The following ZNF862 variants were observed in gnomAD, a reference collection of about 807,000 sequenced individuals.
ZNF862 encodes the protein zinc finger protein 862.
ZNF862 carries 64 observed loss-of-function variants against 91.1 expected under a neutral mutation model. The ratio of observed to expected loss-of-function variants is 0.70; its 90% CI spans 0.57 to 0.87. ZNF862 has a LOEUF of 0.87. ZNF862 is among the 40% of genes least tolerant of loss of function. The probability of loss-of-function intolerance (pLI) is 0.00; values close to 1 mark genes in which losing one functional copy is unlikely to be tolerated. For synonymous variants in ZNF862, 631 were observed against 618.1 expected (o/e 1.02, Z -0.31); for missense variants, 1,459 against 1,528.0 (o/e 0.95, Z 0.75).
chr7:149,854,796 G>C (rs896994314), intron 5 of ZNF862, among the ~76,000 whole-genome samples: 1 of 152,212 alleles, frequency 6.6e-6, no homozygotes, highest in South Asian at 2.1e-4. Flanking sequence ...TGCTCAGGCC[G>C]GCAGCAGTGT....
rs189442625 is a variant in ZNF862, at chr7:149,848,601, C to T, written c.939+169C>T. Among the ~76,000 whole-genome samples, 342 of 152,272 alleles carry T rather than the reference C, an allele frequency of 2.2e-3. 6 individuals are homozygous for T. In the South Asian group the frequency reaches 0.03, roughly 14 times the overall value. On this transcript the variant is annotated intron_variant, in intron 4 of 7. Coordinates refer to ENST00000223210, the MANE Select transcript of ZNF862 (RefSeq NM_001099220.3). ...ATCATGGACTAGGCATTGTTTTAGA[C>T]GCGTTCCATGTATTATCTCATTTAA... is the stretch of plus-strand genomic sequence containing the variant.
chr7:149,860,020 T>G (rs1229888646), intron 6 of ZNF862: 1 of 309,232 alleles, frequency 3.2e-6, no homozygotes, highest in African/African-American at 2.2e-5. Flanking sequence ...TATTCTATTG[T>G]GGAGCCTCAC....
In ZNF862 at chr7:149,841,771, G is replaced by C. The variant is rs1801714464; in HGVS notation, c.25-2854G>C. On this transcript the variant is annotated intron_variant, in intron 1 of 7. Transcript: ENST00000223210. Reference sequence around the variant, plus strand: ...GGCCCTCTCTATCTTTCCTGTACAAGTGACTGATACTCCTTTCTCATTTTT... The same window carrying C: ...GGCCCTCTCTATCTTTCCTGTACAACTGACTGATACTCCTTTCTCATTTTT... 7 of 984,556 alleles carry C rather than the reference G, an allele frequency of 7.1e-6. No homozygotes were observed. The South Asian group carries it at 3.3e-4, about 46-fold the overall frequency. 61.0% of individuals were successfully genotyped at this position (984,556 alleles called of 1,614,324 possible). A position where few individuals can be genotyped will look rare whatever the true frequency, so the allele number is the denominator to read the frequency against.
In ZNF862 at chr7:149,850,478, CA is replaced by C. The variant is rs1563119951; in HGVS notation, c.1117+141del. On this transcript the variant is annotated intron_variant, in intron 5 of 7. Coordinates refer to ENST00000223210, the MANE Select transcript of ZNF862 (RefSeq NM_001099220.3). The surrounding 1 kb of genome is among the most constrained non-coding windows in gnomAD (Gnocchi z 4.2). Reference sequence around the variant, plus strand: ...GAGACCGATCCTGTCTTTTGCACCTCATAACTCCCCTGCTTGGGGTAACTGT... The same window carrying C: ...GAGACCGATCCTGTCTTTTGCACCTCTAACTCCCCTGCTTGGGGTAACTGT... The C allele has an allele frequency of 1.2e-6, 1 of 814,894 alleles. No individual in the cohort carries two copies. Among genetic ancestry groups the C allele is most frequent in the Non-Finnish European group, 1.9e-6 (1 of 532,970 alleles). 50.5% of individuals were successfully genotyped at this position (814,894 alleles called of 1,614,324 possible). A position where few individuals can be genotyped will look rare whatever the true frequency, so the allele number is the denominator to read the frequency against.
Position 149,862,112 on chromosome 7 carries a change from C to T in ZNF862, c.2952C>T (p.Tyr984=). The T allele has an allele frequency of 6.2e-7, 1 of 1,613,626 alleles. No individual in the cohort carries two copies. The highest frequency in any genetic ancestry group is 8.5e-7 in the Non-Finnish European group (1 of 1,179,888). The part of the protein sequence containing the change: ...RYFECSLPTG[Y]SEEALLEEWL... ...TCGAGTGCTCCCTCCCAACAGGATA[C>T]AGTGAGGAAGCTCTGCTGGAGGAGT... Residue 984 remains tyrosine, a synonymous_variant, in exon 7 of 8, where the codon TAC becomes TAT. Transcript: ENST00000223210.
chr7:149,846,976 C>T (rs1801893643), intron 3 of ZNF862, among the ~76,000 whole-genome samples: 1 of 152,224 alleles, frequency 6.6e-6, no homozygotes, highest in East Asian at 1.9e-4. Context: ...GTAGACCAGT[C>T]TGTTGGCCTG....
rs1292742488 is a variant in ZNF862 at position 149,866,491 on chromosome 7, A to G, written c.*2207A>G. ...TCTTCATCCTTGAAGAATCCCTCAG[A>G]GCAGGAGGCCATCCTGTGAGCAGCC... On this transcript the variant is annotated 3_prime_UTR_variant, in exon 8 of 8. Coordinates refer to ENST00000223210, the MANE Select transcript of ZNF862 (RefSeq NM_001099220.3). The G allele has an allele frequency of 6.6e-6, 1 of 151,958 alleles. No individual in the cohort carries two copies. The highest frequency in any genetic ancestry group is 1.5e-5 in the Non-Finnish European group (1 of 68,034). 9.4% of individuals were successfully genotyped at this position (151,958 alleles called of 1,614,324 possible). A position where few individuals can be genotyped will look rare whatever the true frequency, so the allele number is the denominator to read the frequency against.
chr7:149,865,944 G>A lies in ZNF862; in HGVS notation c.*1660G>A, dbSNP rs1412772304. The A allele has an allele frequency of 7.5e-6, 1 of 133,720 alleles. No homozygotes were observed. The highest frequency in any genetic ancestry group is 1.7e-5 in the Non-Finnish European group (1 of 59,644). The allele number at this position is 133,720 out of a possible 1,614,324, so 8.3% of individuals were successfully genotyped here. A position where few individuals can be genotyped will look rare whatever the true frequency, so the allele number is the denominator to read the frequency against. Reference sequence around the variant, plus strand: ...CTTCCCATTCCCAGGGTAGATGCTGGCATCTGAGCACCTGAGTACCCTTCC... The same window carrying A: ...CTTCCCATTCCCAGGGTAGATGCTGACATCTGAGCACCTGAGTACCCTTCC... On this transcript the variant is annotated 3_prime_UTR_variant, in exon 8 of 8. Transcript: ENST00000223210.
At chr7:149,841,732 C>T (rs957338617) in intron 1 of ZNF862, 67 of 985,364 alleles carry the variant, frequency 6.8e-5, no homozygotes, top group East Asian at 2.3e-4. Context: ...GTTGCCTCAA[C>T]GTTTCTGTTT....
intron 2 of ZNF862, chr7:149,845,153 T>C (rs765366171): frequency 1.2e-5 from 2 of 173,300 alleles, no homozygotes; most frequent in South Asian, 1.4e-4. Context: ...CTCCACTGGA[T>C]ACTTGAATGC....
chr7:149,839,312 C>T (rs1801625310), intron 1 of ZNF862, among the ~76,000 whole-genome samples: 1 of 152,192 alleles, frequency 6.6e-6, no homozygotes. Context: ...GAGACAGTGG[C>T]AGCCTCTTGG....
In ZNF862 at chr7:149,864,321, T is replaced by C. The variant is rs1259679734; in HGVS notation, c.*37T>C. 4.5e-6 allele frequency: 7 copies of C among 1,554,904 alleles called. No homozygotes were observed. The highest frequency in any genetic ancestry group is 6.1e-6 in the Non-Finnish European group (7 of 1,150,124). ...TCCTTGGGACTGCCTTGGAGACGCC[T>C]CTGTGATCACTGGGACAGGCTCTGC... On this transcript the variant is annotated 3_prime_UTR_variant, in exon 8 of 8. Coordinates refer to ENST00000223210, the MANE Select transcript of ZNF862 (RefSeq NM_001099220.3).
chr7:149,854,819 C>T (rs764639448), intron 5 of ZNF862, among the ~76,000 whole-genome samples: 5 of 152,256 alleles, frequency 3.3e-5, no homozygotes, highest in South Asian at 2.1e-4. Flanking sequence ...GGAATCGTCA[C>T]GTGCCCTGAA....
rs1392470013 is a variant in ZNF862 at position 149,860,837 on chromosome 7, C to T, written c.1677C>T (p.Phe559=). ...SDLMANMEHF[F]NAAYSIAYHS... ...TCATGGCCAACATGGAGCACTTTTT[C>T]AATGCCGCCTACTCCATTGCATACC... Residue 559 remains phenylalanine, a synonymous_variant, in exon 7 of 8, where the codon TTC becomes TTT. Coordinates refer to ENST00000223210, the MANE Select transcript of ZNF862 (RefSeq NM_001099220.3). 6.2e-7 allele frequency: 1 copy of T among 1,613,602 alleles called. No homozygotes were observed. Among genetic ancestry groups the T allele is most frequent in the African/African-American group, 1.3e-5 (1 of 74,930 alleles).
chr7:149,841,964 A>G (rs946005614), intron 1 of ZNF862, among the ~76,000 whole-genome samples: 7 of 152,210 alleles, frequency 4.6e-5, no homozygotes. Flanking sequence ...AATACTTTCC[A>G]TATAGCATGG....
Position 149,847,769 on chromosome 7 carries a change from G to A in ZNF862, c.276G>A (p.Glu92=), listed in dbSNP as rs73463631. 1.3e-4 allele frequency: 208 copies of A among 1,613,488 alleles called. No individual in the cohort carries two copies. In the African/African-American group the frequency reaches 2.5e-3, roughly 19 times the overall value. The change falls in exon 4 of 8, where the codon GAG becomes GAA. Residue 92 remains glutamate (E), a synonymous_variant. Coordinates refer to ENST00000223210, the MANE Select transcript of ZNF862 (RefSeq NM_001099220.3). ...AGATGGGCTACATGGGAGAAATGGA[G>A]GTGCAAGGTCCCACCAGGGAGAGTG... ...KKQMGYMGEM[E]VQGPTRESGQ...
At chr7:149,854,212 T>A (rs1287347466) in intron 5 of ZNF862, among the ~76,000 whole-genome samples, 1 of 152,192 alleles carries the variant, frequency 6.6e-6, no homozygotes, top group African/African-American at 2.4e-5. Context: ...AACTTTTTCT[T>A]ATCACACTCA....
At chr7:149,846,331 A>G in intron 3 of ZNF862, 76 bp downstream of exon 3, 1 of 1,143,142 alleles carries the variant, frequency 8.7e-7, no homozygotes, top group Non-Finnish European at 1.3e-6. Context: ...CTCCAGGCTC[A>G]TCCTCTGCCC....
intron 5 of ZNF862, among the ~76,000 whole-genome samples, chr7:149,854,455 TATG>T (rs1244045366): frequency 6.6e-6 from 1 of 152,242 alleles, no homozygotes; most frequent in Non-Finnish European, 1.5e-5. Flanking sequence ...TAGATAATAG[TATG>T]ATATCAGGGT....
Sources: gnomAD v4.1 joint callset for allele counts (sites outside exome capture counted in the v4.1 genomes callset) on GRCh38, gnomAD v4.1.1 for gene constraint, Gnocchi (gnomAD v3.1) non-coding constraint, MANE v1.5 for transcripts, NCBI Gene and HGNC (gene_info 2026-07-23, HGNC 2026-07-21) for gene names.